Variants in DLGAP2 observed in about 807,000 individuals in gnomAD.
DLGAP2 encodes disks large-associated protein 2.
In DLGAP2, 26 loss-of-function variants were observed where a neutral mutation model predicts 100.3. That is an observed-to-expected ratio of 0.26 (90% CI 0.19 to 0.36). DLGAP2 has a LOEUF of 0.36. Ranked by LOEUF, DLGAP2 falls within the 10% of genes least tolerant of loss-of-function variation. The pLI, the probability that DLGAP2 is intolerant of heterozygous loss-of-function variation, is 1.00. For synonymous variants in DLGAP2, 886 were observed against 630.1 expected (o/e 1.41, Z -6.08); for missense variants, 1,858 against 1,453.2 (o/e 1.28, Z -4.53).
In DLGAP2 at chr8:829,935, A is replaced by G. The variant is rs188655381; in HGVS notation, c.19-77977A>G. Reference sequence around the variant, plus strand: ...TACCAGTCTCTTGTTATTGACAACAATGTTCAATTCTCCAGTGATATAAAT... The same window carrying G: ...TACCAGTCTCTTGTTATTGACAACAGTGTTCAATTCTCCAGTGATATAAAT... On this transcript the variant is annotated intron_variant, in intron 1 of 14. Coordinates refer to ENST00000637795, the MANE Select transcript of DLGAP2 (RefSeq NM_001346810.2). 2.6e-5 allele frequency among the ~76,000 whole-genome samples: 4 copies of G among 152,210 alleles called. No individual in the cohort carries two copies. In the South Asian group the frequency reaches 8.3e-4, roughly 31 times the overall value.
At position 1,076,353 on chromosome 8, in the gene DLGAP2, C is replaced by A. The variant is rs551057295; in HGVS notation, c.73+168387C>A. Among the ~76,000 whole-genome samples the A allele has an allele frequency of 1.4e-4, 21 of 152,354 alleles. No individual in the cohort carries two copies. The South Asian group carries it at 4.3e-3, about 32-fold the overall frequency. ...CTGAGCTGCAAGTCCCAGCTCACTA[C>A]GTGGCAGTGAGTCGCAGCTCCCCGT... On this transcript the variant is annotated intron_variant, in intron 2 of 14. Transcript: ENST00000637795.
At chr8:1,663,008 G>GCC (rs1313909703) in intron 8 of DLGAP2, among the ~76,000 whole-genome samples, 3 of 150,426 alleles carry the variant, frequency 2.0e-5, no homozygotes, top group African/African-American at 7.4e-5. Context: ...TGGGGTGTGT[G>GCC]TGTGTGTATA....
chr8:1,091,806 G>T (rs1268010527), intron 2 of DLGAP2, among the ~76,000 whole-genome samples: 1 of 137,268 alleles, frequency 7.3e-6, no homozygotes, highest in Non-Finnish European at 1.6e-5. Flanking sequence ...CTACCCCTCC[G>T]CAGCCCCTGT....
intron 2 of DLGAP2, among the ~76,000 whole-genome samples, chr8:933,202 G>T (rs1275685439): frequency 1.3e-5 from 2 of 152,238 alleles, no homozygotes; most frequent in Non-Finnish European, 2.9e-5. Context: ...CCTCTCTAGG[G>T]TCAGACCCTC....
chr8:1,320,728 C>G (rs1800876953), intron 3 of DLGAP2, among the ~76,000 whole-genome samples: 2 of 152,232 alleles, frequency 1.3e-5, no homozygotes, highest in South Asian at 4.1e-4. Flanking sequence ...CCACCCCAGT[C>G]ATGGCCAGAC....
intron 4 of DLGAP2, among the ~76,000 whole-genome samples, chr8:1,514,698 G>A (rs539899299): frequency 2.6e-5 from 4 of 152,310 alleles, no homozygotes; most frequent in East Asian, 1.9e-4. Context: ...GGGACAGCAC[G>A]TGACAGAACG....
intron 2 of DLGAP2, among the ~76,000 whole-genome samples, chr8:1,155,392 C>T (rs1004263750): frequency 6.6e-6 from 1 of 152,206 alleles, no homozygotes; most frequent in African/African-American, 2.4e-5. Flanking sequence ...CCGAGTGGAG[C>T]TCTTGCCAGG....
At chr8:1,092,083 C>G (rs1290527280) in intron 2 of DLGAP2, among the ~76,000 whole-genome samples, 1 of 152,216 alleles carries the variant, frequency 6.6e-6, no homozygotes. Flanking sequence ...CGTGTCTCCT[C>G]TCCATGTTTT....
At chr8:1,614,383 C>G (rs1356714194) in intron 6 of DLGAP2, among the ~76,000 whole-genome samples, 1 of 152,242 alleles carries the variant, frequency 6.6e-6, no homozygotes, top group Non-Finnish European at 1.5e-5. Flanking sequence ...ACCTCACAGT[C>G]AGTGCTGCTG....
At chr8:1,256,032 C>T (rs112869402) in intron 2 of DLGAP2, among the ~76,000 whole-genome samples, 6,525 of 72,444 alleles carry the variant, frequency 0.09, 282 homozygotes, top group African/African-American at 0.14. Context: ...CTCTCCTGCC[C>T]GGGTGCTGTG....
At chr8:1,227,248 G>T (rs769341182) in intron 2 of DLGAP2, among the ~76,000 whole-genome samples, 1 of 136,374 alleles carries the variant, frequency 7.3e-6, no homozygotes, top group African/African-American at 3.3e-5. Context: ...ACACAGAATG[G>T]GATATTATTC....
chr8:1,630,742 A>G (rs894785495), intron 7 of DLGAP2, among the ~76,000 whole-genome samples: 4 of 152,086 alleles, frequency 2.6e-5, no homozygotes, highest in Middle Eastern at 3.2e-3. Flanking sequence ...TTAACATTCA[A>G]TTTTTTCTCA....
intron 4 of DLGAP2, among the ~76,000 whole-genome samples, chr8:1,524,814 C>T (rs979698403): frequency 3.9e-5 from 6 of 152,166 alleles, no homozygotes; most frequent in African/African-American, 1.4e-4. Flanking sequence ...TCAGGTCCTT[C>T]CGTCTGCATC....
intron 4 of DLGAP2, among the ~76,000 whole-genome samples, chr8:1,546,523 G>A (rs987505402): frequency 3.3e-5 from 5 of 152,234 alleles, no homozygotes; most frequent in African/African-American, 4.8e-5. Context: ...TGAAATCTGC[G>A]ACGTTTTGAG....
intron 2 of DLGAP2, among the ~76,000 whole-genome samples, chr8:1,177,462 G>T (rs1797285564): frequency 6.6e-6 from 1 of 152,118 alleles, no homozygotes; most frequent in African/African-American, 2.4e-5. Context: ...CGGAGCAGAT[G>T]CACGAGACCC....
intron 6 of DLGAP2, among the ~76,000 whole-genome samples, chr8:1,601,347 G>C (rs1796617345): frequency 1.3e-5 from 2 of 152,208 alleles, no homozygotes; most frequent in South Asian, 2.1e-4. Context: ...GGAGACAAGA[G>C]GGTCAGGGGC....
intron 3 of DLGAP2, among the ~76,000 whole-genome samples, chr8:1,414,876 G>C (rs1796834986): frequency 6.6e-6 from 1 of 152,166 alleles, no homozygotes. Context: ...AGGCGTGGTG[G>C]CAGGCATCTG....
chr8:1,305,711 T>C (rs1020386922), intron 3 of DLGAP2, among the ~76,000 whole-genome samples: 3 of 152,168 alleles, frequency 2.0e-5, no homozygotes, highest in Admixed American at 6.5e-5. Context: ...ACTGAAAACA[T>C]ACTGTGTACC....
At chr8:804,034 T>C (rs919062054) in intron 1 of DLGAP2, among the ~76,000 whole-genome samples, 3 of 152,134 alleles carry the variant, frequency 2.0e-5, no homozygotes, top group African/African-American at 7.2e-5. Context: ...TTTAGATTTA[T>C]ATGGTGGCGA....
Sources: gnomAD v4.1 joint callset for allele counts (sites outside exome capture counted in the v4.1 genomes callset) on GRCh38, gnomAD v4.1.1 for gene constraint, MANE v1.5 for transcripts, NCBI Gene and HGNC (gene_info 2026-07-23, HGNC 2026-07-21) for gene names.